TSC22D1: variants seen among roughly 807,000 people sequenced by gnomAD.
TSC22D1 encodes the protein TSC22 domain family member 1.
In TSC22D1, 9 loss-of-function variants were observed where a neutral mutation model predicts 74.2. The observed-to-expected ratio is 0.12, with a 90% CI of 0.07 to 0.21. TSC22D1 has a LOEUF of 0.21. Among genes scored for constraint, TSC22D1 ranks in the 10% least tolerant of loss-of-function variants. The pLI, the probability that TSC22D1 is intolerant of heterozygous loss-of-function variation, is 1.00. For synonymous variants in TSC22D1, 586 were observed against 492.5 expected, an observed-to-expected ratio of 1.19 and a Z score of -2.51; for missense variants, 1,427 against 1,304.7, an observed-to-expected ratio of 1.09 and a Z score of -1.44.
At chr13:44,511,304 T>G (rs1301212315) in intron 1 of TSC22D1, among the ~76,000 whole-genome samples, 1 of 151,904 alleles carries the variant, frequency 6.6e-6, no homozygotes, top group Non-Finnish European at 1.5e-5. Flanking sequence ...CAAAAAAAAT[T>G]TTCAAACAAC....
chr13:44,523,475 A>AG (rs1236566961), intron 1 of TSC22D1, among the ~76,000 whole-genome samples: 9 of 152,228 alleles, frequency 5.9e-5, no homozygotes, highest in African/African-American at 2.2e-4. Flanking sequence ...AGTCACAAAA[A>AG]GACATGAAAA....
At chr13:44,537,637 T>C (rs1349667030) in intron 1 of TSC22D1, 2 of 984,592 alleles carry the variant, frequency 2.0e-6, no homozygotes, top group Non-Finnish European at 2.4e-6. Context: ...CCAATTGTCT[T>C]ATTAACATTT....
At chr13:44,434,948 A>C in intron 2 of TSC22D1, 65 bp from the exon 3 acceptor site, 1 of 1,409,546 alleles carries the variant, frequency 7.1e-7, no homozygotes, top group Non-Finnish European at 9.7e-7. Flanking sequence ...TTGAGTTTCC[A>C]AGACATTATT....
At chr13:44,568,845 C>G (rs1883553577) in intron 1 of TSC22D1, among the ~76,000 whole-genome samples, 2 of 152,224 alleles carry the variant, frequency 1.3e-5, no homozygotes, top group South Asian at 4.2e-4. Context: ...GAGGAAAACC[C>G]ATTTCTATAA....
At chr13:44,462,329 C>G (rs537770804) in intron 1 of TSC22D1, among the ~76,000 whole-genome samples, 2 of 152,148 alleles carry the variant, frequency 1.3e-5, no homozygotes, top group Non-Finnish European at 2.9e-5. Flanking sequence ...TGGAAAGGTG[C>G]TGGACCATAG....
rs1002088949 is a variant in TSC22D1, at chr13:44,548,815, G to C, written c.2912+24348C>G. On this transcript the variant is annotated intron_variant, in intron 1 of 2. Coordinates refer to ENST00000458659, the MANE Select transcript of TSC22D1 (RefSeq NM_183422.4). ...ACACAAAAAGGATTTTTTCTAACTA[G>C]AATTTCTAGTTTACCTGATACATAT... is the stretch of plus-strand genomic sequence containing the variant. Among the ~76,000 whole-genome samples, 6 of 152,080 alleles carry C rather than the reference G, an allele frequency of 3.9e-5. No individual in the cohort carries two copies. In the South Asian group the frequency reaches 1.2e-3, roughly 32 times the overall value.
chr13:44,516,940 AC>A (rs1294013374), intron 1 of TSC22D1, among the ~76,000 whole-genome samples: 2 of 152,044 alleles, frequency 1.3e-5, no homozygotes, highest in Non-Finnish European at 2.9e-5. Context: ...CCAGTTAGTC[AC>A]CCCGCCTTCT....
intron 1 of TSC22D1, chr13:44,537,686 T>A: frequency 1.0e-6 from 1 of 984,908 alleles, no homozygotes; most frequent in African/African-American, 1.7e-5. Flanking sequence ...TAATCACTTA[T>A]GGGAATTCAA....
intron 1 of TSC22D1, among the ~76,000 whole-genome samples, chr13:44,540,573 T>C (rs780983840): frequency 2.6e-5 from 4 of 152,220 alleles, no homozygotes; most frequent in African/African-American, 4.8e-5. Context: ...ATAGTGGATA[T>C]AGGCAATACA....
At position 44,574,352 on chromosome 13, in the gene TSC22D1, T is replaced by C. The variant is rs745532221; in HGVS notation, c.1723A>G (p.Thr575Ala). The change falls in exon 1 of 3, where the codon ACT becomes GCT. Residue 575 changes from threonine (T) to alanine (A), a missense_variant. By Grantham distance (58) the Thr-to-Ala change is moderately conservative (BLOSUM62 0). Around this residue, in one of 3 missense-constraint regions of TSC22D1, gnomAD observed 1,343 missense variants for 1,191.5 expected, o/e 1.13. Coordinates refer to ENST00000458659, the MANE Select transcript of TSC22D1 (RefSeq NM_183422.4). ...TTTACAGGCGATGGCTGGATACCAG[T>C]TGCAGCACTCATAGTGGCTTGCAGA... ...VPLQATMSAA[T>A]GIQPSPVNVV... 24 of 1,614,148 alleles carry C rather than the reference T, an allele frequency of 1.5e-5. No homozygotes were observed. Among genetic ancestry groups the C allele is most frequent in the South Asian group, 1.2e-4 (11 of 91,094 alleles).
chr13:44,566,435 T>C (rs923785646), intron 1 of TSC22D1, among the ~76,000 whole-genome samples: 16 of 152,234 alleles, frequency 1.1e-4, no homozygotes, highest in African/African-American at 3.6e-4. Context: ...ACTAACATTT[T>C]TCATCACTTC....
At position 44,575,665 on chromosome 13, in the gene TSC22D1, C is replaced by T; in HGVS notation, c.410G>A (p.Ser137Asn). 6.2e-7 allele frequency: 1 copy of T among 1,614,206 alleles called. No homozygotes were observed. ...SNNSIAEDTE[S>N]YDDLDESHTE... Reference sequence around the variant, plus strand: ...GTGAGATTCATCCAGATCATCATAGCTCTCAGTGTCCTCTGCTATACTGTT... The same window carrying T: ...GTGAGATTCATCCAGATCATCATAGTTCTCAGTGTCCTCTGCTATACTGTT... The change falls in exon 1 of 3, where the codon AGC becomes AAC. Residue 137 changes from serine to asparagine, a missense_variant. By Grantham distance (46) the Ser-to-Asn change is conservative (BLOSUM62 1). Coordinates refer to ENST00000458659, the MANE Select transcript of TSC22D1 (RefSeq NM_183422.4).
chr13:44,434,696 G>A lies in TSC22D1; in HGVS notation c.3152C>T (p.Thr1051Ile), dbSNP rs2138840816. 3 of 1,610,682 alleles carry A rather than the reference G, an allele frequency of 1.9e-6. No individual in the cohort carries two copies. In the East Asian group the frequency reaches 6.7e-5, roughly 36 times the overall value. ...CTGTGTGGTGCCCTGTGGCTGGGTG[G>A]TGGCAGGGGGGGAGCCAGTCTGCAG... ...AQLQTGSPPA[T>I]TQPQGTTQPP... is the part of the protein sequence containing the mutation. Residue 1051 changes from threonine (T) to isoleucine (I), a missense_variant, in exon 3 of 3, where the codon ACC becomes ATC. Physicochemically the swap from Thr to Ile is moderately conservative, Grantham distance 89 (BLOSUM62 -1). Transcript: ENST00000458659.
chr13:44,476,431 T>G (rs546695469), intron 1 of TSC22D1, among the ~76,000 whole-genome samples: 6 of 152,136 alleles, frequency 3.9e-5, no homozygotes, highest in Non-Finnish European at 8.8e-5. Context: ...TTGTTGATTA[T>G]TATCTAATAA....
chr13:44,573,116 TAAC>T, intron 1 of TSC22D1, 44 bp downstream of exon 1: 2 of 1,582,038 alleles, frequency 1.3e-6, no homozygotes, highest in Non-Finnish European at 1.7e-6. Context: ...CTAAATAGAT[TAAC>T]TTCAAATCTG....
chr13:44,522,711 T>C (rs1057039091), intron 1 of TSC22D1, among the ~76,000 whole-genome samples: 4 of 152,302 alleles, frequency 2.6e-5, no homozygotes, highest in South Asian at 4.1e-4. Context: ...GACCTATACA[T>C]ACAATTCAAA....
chr13:44,491,067 G>A (rs907986546), intron 1 of TSC22D1, among the ~76,000 whole-genome samples: 1 of 151,902 alleles, frequency 6.6e-6, no homozygotes, highest in Non-Finnish European at 1.5e-5. Context: ...TTGGGAGGCT[G>A]AGGCACGAAG....
At chr13:44,564,325 T>A (rs1441407556) in intron 1 of TSC22D1, among the ~76,000 whole-genome samples, 1 of 152,168 alleles carries the variant, frequency 6.6e-6, no homozygotes, top group Non-Finnish European at 1.5e-5. Context: ...AATCATCAGA[T>A]AATCATGAAA....
chr13:44,538,338 G>A (rs560542568), intron 1 of TSC22D1: 42 of 985,302 alleles, frequency 4.3e-5, no homozygotes, highest in Middle Eastern at 5.2e-4. Context: ...TGAGCTAAAA[G>A]AGTATATCCT....
Sources: gnomAD v4.1 joint callset for allele counts (sites outside exome capture counted in the v4.1 genomes callset) on GRCh38, gnomAD v4.1.1 for gene constraint, gnomAD v4.1.1 regional missense constraint, MANE v1.5 for transcripts, NCBI Gene and HGNC (gene_info 2026-07-23, HGNC 2026-07-21) for gene names.